TSPEAR: variants seen among roughly 807,000 people sequenced by gnomAD.
TSPEAR encodes thrombospondin type laminin G domain and EAR repeats, also known as thrombospondin-type laminin G domain and EAR repeat-containing protein.
In TSPEAR, 69 loss-of-function variants were observed where a neutral mutation model predicts 71.6. The observed-to-expected ratio is 0.96, with a 90% CI of 0.79 to 1.18. The LOEUF (loss-of-function observed/expected upper bound fraction) is 1.18. Ranked by LOEUF, TSPEAR falls within the 50% of genes most tolerant of loss-of-function variation. The probability of loss-of-function intolerance (pLI) is 0.00; values close to 1 mark genes in which losing one functional copy is unlikely to be tolerated. For synonymous variants in TSPEAR, 402 were observed against 387.2 expected, an observed-to-expected ratio of 1.04 and a Z score of -0.45; for missense variants, 971 against 894.9, an observed-to-expected ratio of 1.09 and a Z score of -1.09.
At chr21:44,613,650 C>T (rs1218732513) in intron 1 of TSPEAR, among the ~76,000 whole-genome samples, 1 of 151,848 alleles carries the variant, frequency 6.6e-6, no homozygotes, top group Non-Finnish European at 1.5e-5. Context: ...TGCACCTGCG[C>T]AGGAGACAAG....
intron 1 of TSPEAR, among the ~76,000 whole-genome samples, chr21:44,587,537 T>C (rs1979419240): frequency 6.6e-6 from 1 of 152,086 alleles, no homozygotes; most frequent in Admixed American, 6.5e-5. Flanking sequence ...AATTCTATAA[T>C]TCATATGGAA....
At chr21:44,516,194 A>T (rs1555913399) in intron 9 of TSPEAR, 1 of 152,306 alleles carries the variant, frequency 6.6e-6, no homozygotes, top group Non-Finnish European at 1.5e-5. Flanking sequence ...AAAACAAGGA[A>T]GGCTGCCATC....
Position 44,588,987 on chromosome 21 carries a change from T to C in TSPEAR, c.83-20982A>G, listed in dbSNP as rs190704122. On this transcript the variant is annotated intron_variant, in intron 1 of 11. Coordinates refer to ENST00000323084, the MANE Select transcript of TSPEAR (RefSeq NM_144991.3). Reference sequence around the variant, plus strand: ...GGCATAAGAATGACACAATGGACTTTGGGGACTGAGAGGGAAAGGGCGGGA... The same window carrying C: ...GGCATAAGAATGACACAATGGACTTCGGGGACTGAGAGGGAAAGGGCGGGA... Among the ~76,000 whole-genome samples the C allele has an allele frequency of 8.6e-4, 131 of 151,784 alleles. 2 individuals are homozygous for C. The East Asian group carries it at 0.025, about 29-fold the overall frequency.
chr21:44,588,765 G>A (rs1276856778), intron 1 of TSPEAR, among the ~76,000 whole-genome samples: 1 of 121,504 alleles, frequency 8.2e-6, no homozygotes, highest in African/African-American at 2.8e-5. Context: ...ATGTATGTGT[G>A]TATATATATG....
chr21:44,693,815 C>A (rs1232833969), intron 1 of TSPEAR, among the ~76,000 whole-genome samples: 1 of 152,064 alleles, frequency 6.6e-6, no homozygotes, highest in Non-Finnish European at 1.5e-5. Flanking sequence ...AAATAAGGAG[C>A]ACCCAAAAGA....
intron 1 of TSPEAR, chr21:44,647,098 T>C: frequency 6.2e-7 from 1 of 1,613,834 alleles, no homozygotes; most frequent in Non-Finnish European, 8.5e-7. Flanking sequence ...GGCTTCCTCT[T>C]CACGCTGCCA....
intron 1 of TSPEAR, among the ~76,000 whole-genome samples, chr21:44,647,819 A>C (rs1555940565): frequency 5.3e-5 from 8 of 151,962 alleles, no homozygotes. Flanking sequence ...TCAGCTCCAC[A>C]CTCTTCCTGC....
rs117880240 is a variant in TSPEAR at position 44,586,992 on chromosome 21, C to G, written c.83-18987G>C. Among the ~76,000 whole-genome samples, 122 of 152,234 alleles carry G rather than the reference C, an allele frequency of 8.0e-4. 4 individuals carry two copies. The East Asian group carries it at 0.022, about 28-fold the overall frequency. ...GAGAACTGCAAAAATGTAGGGATGC[C>G]CATTCTCACCACTTCTCTTCAACAT... On this transcript the variant is annotated intron_variant, in intron 1 of 11. Transcript: ENST00000323084.
intron 1 of TSPEAR, among the ~76,000 whole-genome samples, chr21:44,577,222 GC>G (rs1555924091): frequency 6.6e-6 from 1 of 152,180 alleles, no homozygotes; most frequent in African/African-American, 2.4e-5. Context: ...AGCTTAAGAA[GC>G]TAAAGAAGCA....
At chr21:44,576,405 G>C (rs1344175731) in intron 1 of TSPEAR, among the ~76,000 whole-genome samples, 1 of 148,572 alleles carries the variant, frequency 6.7e-6, no homozygotes, top group Admixed American at 6.6e-5. Context: ...ACGTCCCAGG[G>C]TGGGTGAGGG....
intron 1 of TSPEAR, among the ~76,000 whole-genome samples, chr21:44,595,789 C>T (rs1274029448): frequency 2.0e-5 from 3 of 152,178 alleles, no homozygotes; most frequent in African/African-American, 7.2e-5. Flanking sequence ...CATATAATGC[C>T]TCTGTACACA....
At chr21:44,507,591 G>A (rs1555912073) in intron 10 of TSPEAR, among the ~76,000 whole-genome samples, 1 of 152,208 alleles carries the variant, frequency 6.6e-6, no homozygotes, top group Non-Finnish European at 1.5e-5. Flanking sequence ...GTCCAGTGGT[G>A]ACAGGGCCAT....
intron 1 of TSPEAR, among the ~76,000 whole-genome samples, chr21:44,641,033 C>T (rs587702958): frequency 1.3e-5 from 2 of 152,234 alleles, no homozygotes; most frequent in Admixed American, 6.5e-5. Context: ...GTCCAATCAG[C>T]GATGAACAAG....
At chr21:44,662,596 G>A (rs587625448) in intron 1 of TSPEAR, among the ~76,000 whole-genome samples, 2 of 152,270 alleles carry the variant, frequency 1.3e-5, no homozygotes, top group African/African-American at 4.8e-5. Context: ...CAGAAGGCCT[G>A]GACAACACTG....
chr21:44,526,443 T>C (rs1195126409), intron 7 of TSPEAR, among the ~76,000 whole-genome samples: 1 of 150,934 alleles, frequency 6.6e-6, no homozygotes, highest in Non-Finnish European at 1.5e-5. Context: ...TGTTCTTTGA[T>C]GCAAAGTTTT....
At chr21:44,588,821 T>C (rs2146116358) in intron 1 of TSPEAR, among the ~76,000 whole-genome samples, 1 of 151,070 alleles carries the variant, frequency 6.6e-6, no homozygotes, top group Admixed American at 6.6e-5. Flanking sequence ...TACTCAGTAA[T>C]AAAAAGAAAT....
intron 1 of TSPEAR, among the ~76,000 whole-genome samples, chr21:44,673,211 C>T (rs1476995688): frequency 1.2e-4 from 18 of 152,152 alleles, no homozygotes; most frequent in Admixed American, 1.2e-3. Context: ...GATTTCTCAG[C>T]AGAAACCTTA....
At chr21:44,557,322 A>C (rs2053549014) in intron 2 of TSPEAR, among the ~76,000 whole-genome samples, 2 of 152,240 alleles carry the variant, frequency 1.3e-5, no homozygotes, top group African/African-American at 4.8e-5. Flanking sequence ...AAACGACACC[A>C]TGAGCGAGAA....
chr21:44,521,860 G>A lies in TSPEAR; in HGVS notation c.1566+23C>T, dbSNP rs587736431. 9.5e-5 allele frequency: 153 copies of A among 1,603,508 alleles called. No individual in the cohort carries two copies. The highest frequency in any genetic ancestry group is 8.9e-4 in the East Asian group (40 of 44,782). Reference sequence around the variant, plus strand: ...ACGCAGTGGCCAGCAATGGAGAGCCGGGGCTCATGCGGGGGGCCTTACCGG... The same window carrying A: ...ACGCAGTGGCCAGCAATGGAGAGCCAGGGCTCATGCGGGGGGCCTTACCGG... On this transcript the variant is annotated intron_variant, in intron 9 of 11. Transcript: ENST00000323084.
Sources: gnomAD v4.1 joint callset for allele counts (sites outside exome capture counted in the v4.1 genomes callset) on GRCh38, gnomAD v4.1.1 for gene constraint, MANE v1.5 for transcripts, NCBI Gene and HGNC (gene_info 2026-07-23, HGNC 2026-07-21) for gene names.